The following LMAN2 variants were observed in gnomAD, a reference collection of about 807,000 sequenced individuals.
LMAN2 encodes vesicular integral-membrane protein VIP36.
A neutral mutation model predicts 39.3 loss-of-function variants in LMAN2; 22 were observed. That is an observed-to-expected ratio of 0.56 (90% CI 0.40 to 0.80). LMAN2 has a LOEUF of 0.80. LMAN2 is among the 30% of genes least tolerant of loss of function. The probability of loss-of-function intolerance (pLI) is 0.00; values close to 1 mark genes in which losing one functional copy is unlikely to be tolerated. For synonymous variants in LMAN2, 207 were observed against 207.8 expected, an observed-to-expected ratio of 1.00 and a Z score of 0.03; for missense variants, 494 against 505.4, an observed-to-expected ratio of 0.98 and a Z score of 0.22.
Position 177,333,123 on chromosome 5 carries a change from C to T in LMAN2, c.911-877G>A, listed in dbSNP as rs59212464. On this transcript the variant is annotated intron_variant, in intron 7 of 7. Transcript: ENST00000303127. ...CCTCTGCTCTGCACACCGACAGCAG[C>T]GGCCACTGACCGAACGCGGAGGTCC... Among the ~76,000 whole-genome samples the T allele has an allele frequency of 3.2e-3, 482 of 152,362 alleles. 3 individuals are homozygous for T. The highest frequency in any genetic ancestry group is 0.011 in the African/African-American group (444 of 41,590).
chr5:177,334,452 G>A (rs761560160), intron 6 of LMAN2, 49 bp from the exon 7 acceptor site: 4 of 1,580,908 alleles, frequency 2.5e-6, no homozygotes, highest in Admixed American at 3.4e-5. Flanking sequence ...CAGCCGCAGG[G>A]CACGTGGCCC....
At chr5:177,341,228 G>A (rs920709977) in intron 2 of LMAN2, among the ~76,000 whole-genome samples, 2 of 151,800 alleles carry the variant, frequency 1.3e-5, no homozygotes, top group African/African-American at 2.4e-5. Context: ...CACTACGCCT[G>A]GCTAATTTTG....
Position 177,331,853 on chromosome 5 carries a change from G to A in LMAN2, c.*233C>T. On this transcript the variant is annotated 3_prime_UTR_variant, in exon 8 of 8. Transcript: ENST00000303127. Reference sequence around the variant, plus strand: ...TGTAGACACAGACCCCTGCTCCTGAGACACCAGCCCCAGGAGAGCCTCCGT... The same window carrying A: ...TGTAGACACAGACCCCTGCTCCTGAAACACCAGCCCCAGGAGAGCCTCCGT... 1 of 490,800 alleles carries A rather than the reference G, an allele frequency of 2.0e-6. No homozygotes were observed. The highest frequency in any genetic ancestry group is 3.4e-5 in the Admixed American group (1 of 29,554). The allele number at this position is 490,800 out of a possible 1,614,324, so 30.4% of individuals were successfully genotyped here. A position where few individuals can be genotyped will look rare whatever the true frequency, so the allele number is the denominator to read the frequency against.
At chr5:177,345,149 A>C (rs895386457) in intron 2 of LMAN2, among the ~76,000 whole-genome samples, 1 of 150,286 alleles carries the variant, frequency 6.7e-6, no homozygotes, top group Non-Finnish European at 1.5e-5. Flanking sequence ...CGACCAGCCT[A>C]GTCAACATGG....
intron 2 of LMAN2, among the ~76,000 whole-genome samples, chr5:177,342,841 A>G (rs1761576940): frequency 6.6e-6 from 1 of 152,226 alleles, no homozygotes; most frequent in Non-Finnish European, 1.5e-5. Context: ...GTACTTCACT[A>G]AAACTAAAAT....
intron 2 of LMAN2, among the ~76,000 whole-genome samples, chr5:177,349,861 T>C (rs1289529677): frequency 1.3e-5 from 2 of 152,158 alleles, no homozygotes; most frequent in African/African-American, 2.4e-5. Context: ...TGGGTGGCAC[T>C]TGAATTGAGA....
At chr5:177,335,450 G>A (rs1464539988) in intron 6 of LMAN2, among the ~76,000 whole-genome samples, 2 of 152,176 alleles carry the variant, frequency 1.3e-5, no homozygotes, top group African/African-American at 2.4e-5. Flanking sequence ...GGTCAGACAC[G>A]GCTCCCCTCA....
chr5:177,334,333 G>A lies in LMAN2; in HGVS notation c.861C>T (p.Ile287=), dbSNP rs1434943357. Residue 287 remains isoleucine (I), a synonymous_variant, in exon 7 of 8, where the codon ATC becomes ATT. Coordinates refer to ENST00000303127, the MANE Select transcript of LMAN2 (RefSeq NM_006816.3). ...CGCTGGGCTCGATCTTGGTCCAGTC[G>A]ATGCTCTCCTCGTCGGGCGTGTGCT... ...MVEHTPDEES[I]DWTKIEPSVN... The A allele has an allele frequency of 1.7e-5, 27 of 1,613,168 alleles. No homozygotes were observed. The highest frequency in any genetic ancestry group is 4.0e-5 in the African/African-American group (3 of 74,928).
At chr5:177,335,626 C>A (rs949900585) in intron 6 of LMAN2, among the ~76,000 whole-genome samples, 1 of 152,144 alleles carries the variant, frequency 6.6e-6, no homozygotes, top group Non-Finnish European at 1.5e-5. Flanking sequence ...ACCAGCCAGG[C>A]GCGAGCTGGA....
intron 7 of LMAN2, among the ~76,000 whole-genome samples, chr5:177,333,349 C>A (rs1761418639): frequency 6.6e-6 from 1 of 152,254 alleles, no homozygotes. Context: ...AATCTAAAAA[C>A]GAGTTCATCC....
Position 177,337,492 on chromosome 5 carries a change from G to T in LMAN2, c.546C>A (p.Asn182Lys), listed in dbSNP as rs1204629168. Reference protein sequence around the residue: ...RVFPYISVMVNNGSLSYDHSK... With the variant: ...RVFPYISVMVKNGSLSYDHSK... ...TGTGGTCGTAGGACAGGGAGCCATTGTTCACCATCACCGAGATGTACGGGA... is the reference window on the plus strand; with the variant it reads ...TGTGGTCGTAGGACAGGGAGCCATTTTTCACCATCACCGAGATGTACGGGA... The change falls in exon 5 of 8, where the codon AAC becomes AAA. Residue 182 changes from asparagine (N) to lysine (K), a missense_variant. Coordinates refer to ENST00000303127, the MANE Select transcript of LMAN2 (RefSeq NM_006816.3). This position sits in a 1 kb window ranked among gnomAD's most constrained non-coding sequence, Gnocchi z 8.2. 2 of 1,614,038 alleles carry T rather than the reference G, an allele frequency of 1.2e-6. No homozygotes were observed. The highest frequency in any genetic ancestry group is 8.5e-7 in the Non-Finnish European group (1 of 1,180,010).
At chr5:177,338,047 C>A (rs537391980) in intron 3 of LMAN2, among the ~76,000 whole-genome samples, 1 of 152,130 alleles carries the variant, frequency 6.6e-6, no homozygotes, top group South Asian at 2.1e-4. Flanking sequence ...AAGGGGGTAC[C>A]TGGCCTACAA....
intron 7 of LMAN2, among the ~76,000 whole-genome samples, chr5:177,333,579 C>G (rs537406223): frequency 1.3e-5 from 2 of 152,222 alleles, no homozygotes; most frequent in African/African-American, 2.4e-5. Flanking sequence ...CTGGCCCACA[C>G]GGCATGGGGA....
At chr5:177,333,678 C>A (rs1193090801) in intron 7 of LMAN2, among the ~76,000 whole-genome samples, 1 of 152,238 alleles carries the variant, frequency 6.6e-6, no homozygotes, top group African/African-American at 2.4e-5. Flanking sequence ...TTAGGGTGGA[C>A]TTCTCCACAC....
At position 177,332,297 on chromosome 5, in the gene LMAN2, A is replaced by C. The variant is rs769058117; in HGVS notation, c.911-51T>G. On this transcript the variant is annotated intron_variant, in intron 7 of 7. Transcript: ENST00000303127. The surrounding 1 kb of genome is among the most constrained non-coding windows in gnomAD (Gnocchi z 6.3). ...GAAACGGCAGCACGGGCCGGGGATC[A>C]GGGGGCTGCAGGAGGGCAGTGGGGA... 1 of 1,553,676 alleles carries C rather than the reference A, an allele frequency of 6.4e-7. No homozygotes were observed.
In LMAN2 at chr5:177,337,357, G is replaced by A. The variant is rs1340794918; in HGVS notation, c.675+6C>T. Reference sequence around the variant, plus strand: ...AGCTGCCACCCCCACCGCCTAGCCTGCTCACCGTCAGACGGCCCCGGGAGT... The same window carrying A: ...AGCTGCCACCCCCACCGCCTAGCCTACTCACCGTCAGACGGCCCCGGGAGT... On this transcript the variant is annotated splice_donor_region_variant and intron_variant, in intron 5 of 7. Coordinates refer to ENST00000303127, the MANE Select transcript of LMAN2 (RefSeq NM_006816.3). The surrounding 1 kb of genome is among the most constrained non-coding windows in gnomAD (Gnocchi z 8.2). 1 of 1,610,598 alleles carries A rather than the reference G, an allele frequency of 6.2e-7. No individual in the cohort carries two copies. The highest frequency in any genetic ancestry group is 8.5e-7 in the Non-Finnish European group (1 of 1,179,834).
chr5:177,345,608 C>T (rs1422985870), intron 2 of LMAN2, among the ~76,000 whole-genome samples: 1 of 152,052 alleles, frequency 6.6e-6, no homozygotes, highest in Admixed American at 6.5e-5. Context: ...CAAGCTTCTG[C>T]TCCTTCAGGA....
intron 6 of LMAN2, chr5:177,336,795 G>A: frequency 2.5e-6 from 1 of 405,042 alleles, no homozygotes; most frequent in South Asian, 2.3e-5. Context: ...TCCTGTTGAT[G>A]GGGAAGGTTG....
intron 2 of LMAN2, among the ~76,000 whole-genome samples, chr5:177,348,007 AAC>A (rs1034220994): frequency 1.3e-5 from 2 of 152,214 alleles, no homozygotes; most frequent in African/African-American, 2.4e-5. Context: ...TATTTAAGAG[AAC>A]ACAGTTTCTC....
Sources: gnomAD v4.1 joint callset for allele counts (sites outside exome capture counted in the v4.1 genomes callset) on GRCh38, gnomAD v4.1.1 for gene constraint, Gnocchi (gnomAD v3.1) non-coding constraint, MANE v1.5 for transcripts, NCBI Gene and HGNC (gene_info 2026-07-23, HGNC 2026-07-21) for gene names.